GOLIM4: variants seen among roughly 807,000 people sequenced by gnomAD.
GOLIM4 encodes 130 kDa golgi-localized phosphoprotein.
Under a neutral mutation model 107.4 loss-of-function variants are expected in GOLIM4, and 71 were observed. That is an observed-to-expected ratio of 0.66 (90% CI 0.55 to 0.81). The LOEUF is 0.81. GOLIM4 is among the 30% of genes least tolerant of loss of function. The probability of loss-of-function intolerance (pLI) is 0.00; values close to 1 mark genes in which losing one functional copy is unlikely to be tolerated. For missense variants in GOLIM4, 830 were observed against 826.1 expected, an observed-to-expected ratio of 1.00 and a Z score of -0.06; for synonymous variants, 327 against 294.8, an observed-to-expected ratio of 1.11 and a Z score of -1.12.
rs1175332138 is a variant in GOLIM4 at position 168,036,879 on chromosome 3, C to A, written c.800G>T (p.Gly267Val). 1.2e-6 allele frequency: 2 copies of A among 1,613,914 alleles called. No homozygotes were observed. The highest frequency in any genetic ancestry group is 1.3e-5 in the African/African-American group (1 of 74,902). ...NVTQVAHSPQ[G>V]YNTAREKPTR... Reference sequence around the variant, plus strand: ...TGGCTTCTCCCTTGCTGTGTTGTAACCTTGTGGAGAATGTGCCACCTGGGT... The same window carrying A: ...TGGCTTCTCCCTTGCTGTGTTGTAAACTTGTGGAGAATGTGCCACCTGGGT... Residue 267 changes from glycine to valine, a missense_variant, in exon 8 of 16, where the codon GGT becomes GTT. Gly to Val is a moderately radical substitution (Grantham distance 109). Transcript: ENST00000470487.
chr3:168,023,692 G>A (rs552995119), intron 14 of GOLIM4, among the ~76,000 whole-genome samples: 1 of 152,264 alleles, frequency 6.6e-6, no homozygotes, highest in South Asian at 2.1e-4. Context: ...TTTAATTTGG[G>A]AACTACTTAC....
chr3:168,012,062 G>GAAA (rs1553792689), intron 14 of GOLIM4, among the ~76,000 whole-genome samples: 1 of 123,394 alleles, frequency 8.1e-6, no homozygotes, highest in Admixed American at 7.7e-5. Flanking sequence ...GACGAGCTGA[G>GAAA]AGAAGGCTTC....
intron 1 of GOLIM4, among the ~76,000 whole-genome samples, chr3:168,065,024 A>T (rs1336437545): frequency 6.6e-6 from 1 of 152,124 alleles, no homozygotes; most frequent in Non-Finnish European, 1.5e-5. Flanking sequence ...TAATTTAATG[A>T]GGATTTTTCA....
chr3:168,080,680 A>G (rs1218290069), intron 1 of GOLIM4, among the ~76,000 whole-genome samples: 2 of 152,218 alleles, frequency 1.3e-5, no homozygotes, highest in African/African-American at 2.4e-5. Context: ...GGCCAACTGA[A>G]GCCCACACGC....
intron 1 of GOLIM4, among the ~76,000 whole-genome samples, chr3:168,055,018 GC>G (rs1231320799): frequency 1.2e-4 from 19 of 152,188 alleles, no homozygotes; most frequent in Admixed American, 1.2e-3. Flanking sequence ...GGCCTCCCAA[GC>G]CATGTGGAAC....
At chr3:168,092,428 C>T (rs1355048400) in intron 1 of GOLIM4, among the ~76,000 whole-genome samples, 1 of 152,158 alleles carries the variant, frequency 6.6e-6, no homozygotes, top group Non-Finnish European at 1.5e-5. Flanking sequence ...AACTTGTTAA[C>T]TTGGGGTTAC....
intron 14 of GOLIM4, among the ~76,000 whole-genome samples, chr3:168,017,984 A>G (rs1478873573): frequency 6.6e-6 from 1 of 152,216 alleles, no homozygotes; most frequent in Non-Finnish European, 1.5e-5. Flanking sequence ...TTTAATGATC[A>G]TATCTCACAG....
At chr3:168,032,398 T>C (rs1718378978) in intron 9 of GOLIM4, 122 bp downstream of exon 9, 2 of 751,256 alleles carry the variant, frequency 2.7e-6, no homozygotes, top group East Asian at 4.9e-5. Context: ...TATGAGCATA[T>C]AATGTTTAGT....
At chr3:168,062,738 C>T (rs11714187) in intron 1 of GOLIM4, among the ~76,000 whole-genome samples, 29,944 of 152,048 alleles carry the variant, frequency 0.2, 3,672 homozygotes, top group Middle Eastern at 0.29. Context: ...TTCAGGCACA[C>T]GTGGTAATCA....
chr3:168,034,096 A>C (rs1718505703), intron 8 of GOLIM4, among the ~76,000 whole-genome samples: 1 of 152,220 alleles, frequency 6.6e-6, no homozygotes, highest in Non-Finnish European at 1.5e-5. Flanking sequence ...CTGTATTAAT[A>C]AACTGGGGAG....
At chr3:168,083,790 T>C (rs1437260713) in intron 1 of GOLIM4, among the ~76,000 whole-genome samples, 1 of 152,170 alleles carries the variant, frequency 6.6e-6, no homozygotes, top group Admixed American at 6.6e-5. Context: ...TATGGTAGGC[T>C]GCTACGAAGG....
At chr3:168,085,366 T>C (rs938563496) in intron 1 of GOLIM4, among the ~76,000 whole-genome samples, 20 of 152,206 alleles carry the variant, frequency 1.3e-4, no homozygotes, top group African/African-American at 4.8e-4. Flanking sequence ...AATGAGCCTT[T>C]GGGAAATTTA....
chr3:168,020,199 G>A (rs1717604131), intron 14 of GOLIM4, among the ~76,000 whole-genome samples: 1 of 152,144 alleles, frequency 6.6e-6, no homozygotes, highest in African/African-American at 2.4e-5. Flanking sequence ...AGCATTGGGT[G>A]AAAAATCAAT....
intron 1 of GOLIM4, among the ~76,000 whole-genome samples, chr3:168,064,326 T>C (rs944953192): frequency 1.1e-4 from 17 of 152,224 alleles, no homozygotes; most frequent in African/African-American, 3.9e-4. Flanking sequence ...TGTGGTTACC[T>C]GCTGAATGTT....
At chr3:168,057,852 C>T (rs1247521040) in intron 1 of GOLIM4, among the ~76,000 whole-genome samples, 1 of 152,172 alleles carries the variant, frequency 6.6e-6, no homozygotes, top group East Asian at 1.9e-4. Flanking sequence ...TATTCGACAG[C>T]ACTTGTTCAA....
At chr3:168,054,693 C>T (rs1719846630) in intron 1 of GOLIM4, among the ~76,000 whole-genome samples, 1 of 151,444 alleles carries the variant, frequency 6.6e-6, no homozygotes, top group African/African-American at 2.4e-5. Context: ...TTATTAATTC[C>T]CTGTCTATCA....
rs1717891926 is a variant in GOLIM4, at chr3:168,024,572, T to G, written c.1814A>C (p.Gln605Pro). The G allele has an allele frequency of 6.2e-7, 1 of 1,613,596 alleles. No homozygotes were observed. The highest frequency in any genetic ancestry group is 1.1e-5 in the South Asian group (1 of 91,080). Reference sequence around the variant, plus strand: ...GTACTGTTCATCAACATTGTCCTCCTGCTGGTCTGGATTTCCTGCCATCTG... The same window carrying G: ...GTACTGTTCATCAACATTGTCCTCCGGCTGGTCTGGATTTCCTGCCATCTG... ...HLVMAGNPDQ[Q>P]EDNVDEQYQE... is the part of the protein sequence containing the mutation. Residue 605 changes from glutamine (Q) to proline (P), a missense_variant, in exon 14 of 16, where the codon CAG becomes CCG. Transcript: ENST00000470487.
At chr3:168,028,662 G>GT (rs1406264604) in intron 11 of GOLIM4, among the ~76,000 whole-genome samples, 1 of 152,198 alleles carries the variant, frequency 6.6e-6, no homozygotes, top group Non-Finnish European at 1.5e-5. Flanking sequence ...TTTCTTGACT[G>GT]TAAGAGCTGT....
At chr3:168,051,158 A>C (rs1719621427) in intron 1 of GOLIM4, among the ~76,000 whole-genome samples, 1 of 152,120 alleles carries the variant, frequency 6.6e-6, no homozygotes, top group Non-Finnish European at 1.5e-5. Flanking sequence ...TTTCATCTTC[A>C]GTAAGAGAAT....
Sources: allele counts gnomAD v4.1 joint callset (sites outside exome capture counted in the v4.1 genomes callset), GRCh38; gene constraint gnomAD v4.1.1; transcripts MANE v1.5; gene names NCBI Gene and HGNC (gene_info 2026-07-23, HGNC 2026-07-21).